NIBAN1: variants seen among roughly 807,000 people sequenced by gnomAD.
NIBAN1 encodes niban apoptosis regulator 1.
A neutral mutation model predicts 75.1 loss-of-function variants in NIBAN1; 81 were observed. The ratio of observed to expected loss-of-function variants is 1.08; its 90% CI spans 0.90 to 1.30. The LOEUF (loss-of-function observed/expected upper bound fraction) is 1.30. NIBAN1 is among the 50% of genes most tolerant of loss of function. The probability of loss-of-function intolerance (pLI) is 0.00; values close to 1 mark genes in which losing one functional copy is unlikely to be tolerated. For missense variants in NIBAN1, 1,133 were observed against 1,128.1 expected (o/e 1.00, Z -0.06); for synonymous variants, 436 against 424.8 (o/e 1.03, Z -0.32).
Position 184,808,070 on chromosome 1 carries a change from CCA to C in NIBAN1, c.1335+2_1335+3del. 1 of 1,613,752 alleles carries C rather than the reference CCA, an allele frequency of 6.2e-7. No individual in the cohort carries two copies. The highest frequency in any genetic ancestry group is 8.5e-7 in the Non-Finnish European group (1 of 1,179,788). On this transcript the variant is annotated splice_donor_variant and splice_donor_region_variant and intron_variant, in intron 10 of 13. Transcript: ENST00000367511. LOFTEE classifies it high-confidence loss of function. ...TCCACCACGGATGCCCCTGCCACAC[CCA>C]CCTCCTGCATGTAGTTCTGTGTCCT...
In NIBAN1 at chr1:184,929,856, A is replaced by G. The variant is rs190495104; in HGVS notation, c.56-30547T>C. Among the ~76,000 whole-genome samples, 15 of 152,370 alleles carry G rather than the reference A, an allele frequency of 9.8e-5. No homozygotes were observed. In the East Asian group the frequency reaches 2.9e-3, roughly 29 times the overall value. On this transcript the variant is annotated intron_variant, in intron 1 of 13. Transcript: ENST00000367511. ...GGATTTGTCAAAACTTCTACTGAACATTGTGCTTGATGCTGTAAACATCAC... is the reference window on the plus strand; with the variant it reads ...GGATTTGTCAAAACTTCTACTGAACGTTGTGCTTGATGCTGTAAACATCAC...
chr1:184,830,688 AC>A (rs1333294827), intron 6 of NIBAN1, among the ~76,000 whole-genome samples: 1 of 152,002 alleles, frequency 6.6e-6, no homozygotes, highest in African/African-American at 2.4e-5. Flanking sequence ...CAAAAGAGGT[AC>A]CCTAGGAGAT....
intron 3 of NIBAN1, among the ~76,000 whole-genome samples, chr1:184,892,892 C>T (rs1415006685): frequency 1.3e-5 from 2 of 152,158 alleles, no homozygotes; most frequent in African/African-American, 4.8e-5. Context: ...CTGCCTCACC[C>T]TCTTGAGTAT....
intron 1 of NIBAN1, among the ~76,000 whole-genome samples, chr1:184,921,326 C>T (rs1449494960): frequency 6.6e-6 from 1 of 151,852 alleles, no homozygotes; most frequent in Non-Finnish European, 1.5e-5. Context: ...ACATATCTAA[C>T]ATATAAAAAG....
At chr1:184,803,429 A>G (rs932077626) in intron 12 of NIBAN1, among the ~76,000 whole-genome samples, 156 bp downstream of exon 12, 3 of 152,240 alleles carry the variant, frequency 2.0e-5, no homozygotes, top group Non-Finnish European at 2.9e-5. Flanking sequence ...AGTGCAGTCC[A>G]TGAAGCTTAA....
intron 9 of NIBAN1, among the ~76,000 whole-genome samples, chr1:184,815,179 C>T (rs1178872253): frequency 6.6e-6 from 1 of 152,198 alleles, no homozygotes; most frequent in Non-Finnish European, 1.5e-5. Context: ...TGTATAAAAG[C>T]TTTCCCATGC....
At chr1:184,812,071 G>A (rs1274617425) in intron 9 of NIBAN1, among the ~76,000 whole-genome samples, 4 of 152,130 alleles carry the variant, frequency 2.6e-5, no homozygotes, top group South Asian at 2.1e-4. Flanking sequence ...TTTCAGTGTC[G>A]CTGAAATGAA....
In NIBAN1 at chr1:184,969,678, T is replaced by C. The variant is rs114054140; in HGVS notation, c.55+4624A>G. Among the ~76,000 whole-genome samples the C allele has an allele frequency of 8.6e-3, 1,301 of 150,876 alleles. 20 individuals carry two copies. Among genetic ancestry groups the C allele is most frequent in the African/African-American group, 0.029 (1,179 of 40,750 alleles). The stretch of plus-strand genomic sequence containing the variant: ...AGTGTCTCTGAAACAGAGGGCAATA[T>C]CAGGAGTTTCTTTCTTTTTTTTTTT... On this transcript the variant is annotated intron_variant, in intron 1 of 13. Coordinates refer to ENST00000367511, the MANE Select transcript of NIBAN1 (RefSeq NM_052966.4).
At chr1:184,898,860 C>T in intron 2 of NIBAN1, among the ~76,000 whole-genome samples, 1 of 152,166 alleles carries the variant, frequency 6.6e-6, no homozygotes, top group East Asian at 1.9e-4. Context: ...TTAGGGGATT[C>T]AAAGAGAAAA....
At chr1:184,953,728 G>A (rs895657885) in intron 1 of NIBAN1, among the ~76,000 whole-genome samples, 1 of 152,156 alleles carries the variant, frequency 6.6e-6, no homozygotes, top group Non-Finnish European at 1.5e-5. Context: ...GGAGTTTCTC[G>A]TGGAAGTGCC....
chr1:184,913,184 G>T (rs944060548), intron 1 of NIBAN1, among the ~76,000 whole-genome samples: 8 of 95,374 alleles, frequency 8.4e-5, no homozygotes, highest in African/African-American at 3.4e-4. Context: ...TACCATGCAG[G>T]TATATATATA....
At chr1:184,866,619 CA>C (rs1655964380) in intron 5 of NIBAN1, among the ~76,000 whole-genome samples, 1 of 152,104 alleles carries the variant, frequency 6.6e-6, no homozygotes, top group African/African-American at 2.4e-5. Flanking sequence ...TAAATTAGAT[CA>C]TAAGTTTCTT....
At chr1:184,953,426 CATATT>C (rs1472292731) in intron 1 of NIBAN1, among the ~76,000 whole-genome samples, 1 of 152,204 alleles carries the variant, frequency 6.6e-6, no homozygotes, top group African/African-American at 2.4e-5. Context: ...AAAAATGAGA[CATATT>C]ATAAATATCA....
rs1389813381 is a variant in NIBAN1, at chr1:184,829,461, A to ACTCTTTTTTTTTTTTTTTTTTTTTTTT, written c.717+2385_717+2386insAAAAAAAAAAAAAAAAAAAAAAAAGAG. 2.4e-5 allele frequency among the ~76,000 whole-genome samples: 2 copies of ACTCTTTTTTTTTTTTTTTTTTTTTTTT among 84,022 alleles called. 1 individual carries two copies. 55.1% of individuals were successfully genotyped at this position (84,022 alleles called of 152,430 possible). A position where few individuals can be genotyped will look rare whatever the true frequency, so the allele number is the denominator to read the frequency against. On this transcript the variant is annotated intron_variant, in intron 6 of 13. Transcript: ENST00000367511. ...CAGAAAGGATTTATTAAATACATAT[A>ACTCTTTTTTTTTTTTTTTTTTTTTTTT]TTCTTTTTTTTTTTTTTTTTTTTGA...
At chr1:184,922,166 T>C (rs1481250743) in intron 1 of NIBAN1, among the ~76,000 whole-genome samples, 1 of 152,158 alleles carries the variant, frequency 6.6e-6, no homozygotes, top group Non-Finnish European at 1.5e-5. Context: ...CATATTTTGA[T>C]AAGGCATAAA....
intron 5 of NIBAN1, among the ~76,000 whole-genome samples, chr1:184,874,702 C>T (rs550342940): frequency 8.5e-5 from 13 of 152,076 alleles, no homozygotes; most frequent in Admixed American, 2.6e-4. Context: ...AGTCAATCAT[C>T]ACAGTGGCAG....
At chr1:184,941,783 G>GGAAGCA (rs1227970570) in intron 1 of NIBAN1, among the ~76,000 whole-genome samples, 2 of 151,944 alleles carry the variant, frequency 1.3e-5, no homozygotes, top group African/African-American at 4.8e-5. Context: ...CTAAATGCCA[G>GGAAGCA]TCAGAAGTGT....
rs1328793874 is a variant in NIBAN1 at position 184,795,499 on chromosome 1, T to C, written c.2265A>G (p.Ala755=). The C allele has an allele frequency of 6.2e-7, 1 of 1,613,420 alleles. No individual in the cohort carries two copies. Among genetic ancestry groups the C allele is most frequent in the African/African-American group, 1.3e-5 (1 of 74,818 alleles). ...CACAGTTGTCGGGGTGGATGGCAGC[T>C]GCCTGACTGGGCTCTTTTTCCTCTT... The part of the protein sequence containing the change: ...EEEEEKEPSQ[A]AAIHPDNCEE... Residue 755 remains alanine, a synonymous_variant, in exon 14 of 14, where the codon GCA becomes GCG. Transcript: ENST00000367511.
intron 5 of NIBAN1, among the ~76,000 whole-genome samples, chr1:184,876,472 A>G (rs1656236222): frequency 6.6e-6 from 1 of 151,886 alleles, no homozygotes; most frequent in East Asian, 1.9e-4. Context: ...CCAAAGTGGG[A>G]GGATCACTTG....
Sources: gnomAD v4.1 joint callset for allele counts (sites outside exome capture counted in the v4.1 genomes callset) on GRCh38, gnomAD v4.1.1 for gene constraint, MANE v1.5 for transcripts, NCBI Gene and HGNC (gene_info 2026-07-23, HGNC 2026-07-21) for gene names.